The following FRMPD4 variants were observed in gnomAD, a reference collection of about 807,000 sequenced individuals.
The protein encoded by FRMPD4 is FERM and PDZ domain containing 4, also known as FERM and PDZ domain-containing protein 4.
In FRMPD4, 22 loss-of-function variants were observed where a neutral mutation model predicts 94.1. The ratio of observed to expected loss-of-function variants is 0.23; its 90% CI spans 0.17 to 0.33. The LOEUF is 0.33. Ranked by LOEUF, FRMPD4 falls within the 10% of genes least tolerant of loss-of-function variation. The probability of loss-of-function intolerance (pLI) is 1.00; values close to 1 mark genes in which losing one functional copy is unlikely to be tolerated. For synonymous variants in FRMPD4, 631 were observed against 548.6 expected, an observed-to-expected ratio of 1.15 and a Z score of -2.10; for missense variants, 1,111 against 1,339.9, an observed-to-expected ratio of 0.83 and a Z score of 2.67.
chrX:12,500,607 C>A (rs1258135751), intron 2 of FRMPD4, among the ~76,000 whole-genome samples: 1 of 110,451 alleles, frequency 9.1e-6, no homozygotes. Context: ...AAAGTGGCCC[C>A]CTGGCTTCCC....
rs749611217 is a variant in FRMPD4, at chrX:12,723,333, G to C, written c.*1475G>C. On this transcript the variant is annotated 3_prime_UTR_variant, in exon 17 of 17. Transcript: ENST00000675598. The stretch of plus-strand genomic sequence containing the variant: ...AGGTGGCTCCTTAAGAACATGATGG[G>C]AGTACACCAGGTGCAAATATTTCTA... The C allele has an allele frequency of 9.0e-6, 1 of 110,956 alleles. No individual in the cohort carries two copies. Among genetic ancestry groups the C allele is most frequent in the Admixed American group, 9.6e-5 (1 of 10,455 alleles). 9.1% of individuals were successfully genotyped at this position (110,956 alleles called of 1,213,427 possible).
At chrX:12,508,954 T>C (rs767894915) in intron 2 of FRMPD4, among the ~76,000 whole-genome samples, 2 of 88,814 alleles carry the variant, frequency 2.3e-5, no homozygotes, top group South Asian at 1.3e-3. Flanking sequence ...ATCGCACCAT[T>C]GCACTTCAGC....
intron 7 of FRMPD4, among the ~76,000 whole-genome samples, chrX:12,687,695 G>C (rs1326094661): frequency 1.8e-5 from 2 of 112,404 alleles, no homozygotes; most frequent in Admixed American, 1.9e-4. Context: ...GCACAGGAGA[G>C]ATTGAGTGGA....
At chrX:12,625,717 T>C (rs1266401523) in intron 4 of FRMPD4, among the ~76,000 whole-genome samples, 3 of 111,405 alleles carry the variant, frequency 2.7e-5, no homozygotes, top group African/African-American at 9.8e-5. Context: ...GACCTAGTGT[T>C]TTATAGATCA....
intron 3 of FRMPD4, among the ~76,000 whole-genome samples, chrX:12,084,183 G>T (rs1263558452): frequency 1.0e-5 from 1 of 99,654 alleles, no homozygotes; most frequent in Non-Finnish European, 2.0e-5. Context: ...CCAGTGGGGG[G>T]GGGGGTAATT....
chrX:12,710,143 GATAGATA>G (rs1266384800), intron 13 of FRMPD4, among the ~76,000 whole-genome samples: 1 of 47,449 alleles, frequency 2.1e-5, no homozygotes, highest in East Asian at 3.4e-3. Context: ...TAGATAGACA[GATAGATA>G]GATAGACAGA....
chrX:12,004,322 T>C (rs780179697), intron 3 of FRMPD4, among the ~76,000 whole-genome samples: 2 of 112,173 alleles, frequency 1.8e-5, no homozygotes, highest in East Asian at 5.6e-4. Context: ...TCAGTCACTG[T>C]CATGGGATAC....
intron 1 of FRMPD4, among the ~76,000 whole-genome samples, chrX:12,156,892 C>T (rs1016413118): frequency 9.0e-6 from 1 of 111,354 alleles, no homozygotes; most frequent in African/African-American, 3.3e-5. Flanking sequence ...AATGTCTCAG[C>T]TACTGTTTTT....
At chrX:12,222,045 T>C (rs935468529) in intron 1 of FRMPD4, among the ~76,000 whole-genome samples, 2 of 111,798 alleles carry the variant, frequency 1.8e-5, no homozygotes, top group African/African-American at 6.5e-5. Flanking sequence ...AAAATAAATA[T>C]ATTAAGGCCA....
chrX:12,080,722 C>A (rs2055055349), intron 3 of FRMPD4, among the ~76,000 whole-genome samples: 1 of 112,160 alleles, frequency 8.9e-6, no homozygotes. Flanking sequence ...ATGTGATTAT[C>A]TGGGAATTAT....
At chrX:12,438,575 A>G (rs1340179867) in intron 1 of FRMPD4, among the ~76,000 whole-genome samples, 2 of 111,227 alleles carry the variant, frequency 1.8e-5, no homozygotes, top group African/African-American at 6.5e-5. Context: ...AGCTTCAGAG[A>G]TATTCAGGAT....
chrX:12,096,656 A>G lies in FRMPD4; in HGVS notation c.95+218638A>G, dbSNP rs1352563524. Among the ~76,000 whole-genome samples, 12 of 111,848 alleles carry G rather than the reference A, an allele frequency of 1.1e-4. No homozygotes were observed. In the South Asian group the frequency reaches 3.4e-3, roughly 32 times the overall value. On this transcript the variant is annotated intron_variant, in intron 3 of 18. Transcript: ENST00000640291. ...CTCAGAGCTTTTAGGAGGCTGGGGC[A>G]GTAGGGTTACTTGAGCCCAGGAGTT...
intron 2 of FRMPD4, among the ~76,000 whole-genome samples, chrX:12,598,243 C>G (rs2059051198): frequency 9.1e-6 from 1 of 110,298 alleles, no homozygotes. Context: ...TTTCACGGCA[C>G]CTACTAGATT....
chrX:12,311,779 T>C (rs1263391843), intron 1 of FRMPD4, among the ~76,000 whole-genome samples: 1 of 111,878 alleles, frequency 8.9e-6, no homozygotes, highest in Non-Finnish European at 1.9e-5. Flanking sequence ...TTAAGTCTCA[T>C]AATTCTTTTC....
chrX:12,301,563 C>T (rs1246771892), intron 1 of FRMPD4, among the ~76,000 whole-genome samples: 1 of 111,872 alleles, frequency 8.9e-6, no homozygotes, highest in Non-Finnish European at 1.9e-5. Context: ...AAACTCTCAC[C>T]AGTCCTCCAA....
intron 4 of FRMPD4, among the ~76,000 whole-genome samples, chrX:12,659,343 T>C (rs1344393656): frequency 8.8e-6 from 1 of 113,047 alleles, no homozygotes; most frequent in African/African-American, 3.2e-5. Flanking sequence ...TATTTGTTAT[T>C]TATTTTTTAT....
chrX:12,343,683 G>T (rs2055654964), intron 1 of FRMPD4, among the ~76,000 whole-genome samples: 1 of 111,678 alleles, frequency 9.0e-6, no homozygotes, highest in African/African-American at 3.3e-5. Context: ...AACTGTCGCT[G>T]ACCTCTTTTC....
intron 3 of FRMPD4, among the ~76,000 whole-genome samples, chrX:11,892,908 C>G (rs943786621): frequency 8.9e-6 from 1 of 112,034 alleles, no homozygotes; most frequent in Admixed American, 9.4e-5. Flanking sequence ...TATACGTATA[C>G]CCGGACGTCA....
rs1279031097 is a variant in FRMPD4, at chrX:12,447,082, T to C, written c.42-51598T>C. On this transcript the variant is annotated intron_variant, in intron 1 of 16. Transcript: ENST00000675598. Reference sequence around the variant, plus strand: ...AGATCCCTAGCAGCCAAAGACTAGATCCCAGGGACTCTTTGGGCTAGGCTC... The same window carrying C: ...AGATCCCTAGCAGCCAAAGACTAGACCCCAGGGACTCTTTGGGCTAGGCTC... 4.5e-5 allele frequency among the ~76,000 whole-genome samples: 5 copies of C among 111,273 alleles called. No individual in the cohort carries two copies. In the Admixed American group the frequency reaches 4.8e-4, roughly 11 times the overall value.
Sources: allele counts gnomAD v4.1 joint callset (sites outside exome capture counted in the v4.1 genomes callset), GRCh38; gene constraint gnomAD v4.1.1; transcripts MANE v1.5; gene names NCBI Gene and HGNC (gene_info 2026-07-23, HGNC 2026-07-21).